The following SORCS1 variants were observed in gnomAD, a reference collection of about 807,000 sequenced individuals.
SORCS1 encodes the protein VPS10 domain-containing receptor SorCS1.
Under a neutral mutation model 146.1 loss-of-function variants are expected in SORCS1, and 60 were observed. The ratio of observed to expected loss-of-function variants is 0.41; its 90% CI spans 0.33 to 0.51. SORCS1 has a LOEUF of 0.51. Ranked by LOEUF, SORCS1 falls within the 20% of genes least tolerant of loss-of-function variation. SORCS1 has a pLI of 0.21. For synonymous variants in SORCS1, 637 were observed against 584.0 expected (o/e 1.09, Z -1.31); for missense variants, 1,352 against 1,487.6 (o/e 0.91, Z 1.50).
chr10:106,713,728 G>A (rs909486504), intron 6 of SORCS1, among the ~76,000 whole-genome samples: 8 of 152,084 alleles, frequency 5.3e-5, no homozygotes, highest in East Asian at 1.9e-4. Context: ...TGGTTGCAAC[G>A]TGGTTAGACT....
At chr10:106,783,356 T>C (rs1861041235) in intron 3 of SORCS1, among the ~76,000 whole-genome samples, 1 of 152,222 alleles carries the variant, frequency 6.6e-6, no homozygotes, top group Admixed American at 6.5e-5. Flanking sequence ...GTTATCTATG[T>C]CATGCCCTGC....
intron 17 of SORCS1, among the ~76,000 whole-genome samples, chr10:106,661,178 C>T (rs918231263): frequency 1.3e-5 from 2 of 152,108 alleles, no homozygotes; most frequent in African/African-American, 2.4e-5. Context: ...TTTATAGATA[C>T]CGAAAGAGAA....
At chr10:106,809,995 C>T (rs926319922) in intron 3 of SORCS1, among the ~76,000 whole-genome samples, 2 of 152,136 alleles carry the variant, frequency 1.3e-5, no homozygotes, top group African/African-American at 2.4e-5. Flanking sequence ...CAGAGGCGGG[C>T]GGATCACCTG....
chr10:106,739,424 G>A (rs1364377426), intron 5 of SORCS1, among the ~76,000 whole-genome samples: 1 of 151,432 alleles, frequency 6.6e-6, no homozygotes, highest in African/African-American at 2.4e-5. Context: ...GGCAGAGGCC[G>A]CAGTGAGCCA....
chr10:106,652,308 G>A, intron 18 of SORCS1, 74 bp downstream of exon 18: 1 of 1,412,494 alleles, frequency 7.1e-7, no homozygotes, highest in African/African-American at 1.4e-5. Flanking sequence ...AAAAAGATAT[G>A]GAAACAAAAC....
At chr10:106,671,459 C>CTCCA in intron 15 of SORCS1, 92 bp from the exon 16 acceptor site, 1 of 1,542,956 alleles carries the variant, frequency 6.5e-7, no homozygotes, top group Non-Finnish European at 8.8e-7. Flanking sequence ...ATTTGCACAT[C>CTCCA]TTAGTGTAAT....
intron 1 of SORCS1, among the ~76,000 whole-genome samples, chr10:107,161,528 A>G (rs557110719): frequency 6.6e-6 from 1 of 152,300 alleles, no homozygotes; most frequent in African/African-American, 2.4e-5. Context: ...TCTTATGTAT[A>G]GCCTGGCTCC....
chr10:106,973,519 T>C (rs1241912512), intron 1 of SORCS1, among the ~76,000 whole-genome samples: 4 of 152,100 alleles, frequency 2.6e-5, no homozygotes, highest in Non-Finnish European at 5.9e-5. Context: ...GTTCACAACA[T>C]GGAATAAGAC....
chr10:106,943,426 G>T (rs1490208300), intron 2 of SORCS1, among the ~76,000 whole-genome samples: 1 of 151,972 alleles, frequency 6.6e-6, no homozygotes. Flanking sequence ...CAGTCCTTCT[G>T]CCTGGACTCC....
intron 2 of SORCS1, among the ~76,000 whole-genome samples, chr10:106,862,490 A>T (rs1466466354): frequency 1.3e-5 from 2 of 152,110 alleles, no homozygotes; most frequent in East Asian, 3.9e-4. Context: ...ATCTCTCTTC[A>T]ATGTTTTTTT....
At chr10:106,891,501 A>ATTTTTTTTTTTTTTTTTTTTTTTTTTTT (rs562213104) in intron 2 of SORCS1, among the ~76,000 whole-genome samples, 1 of 74,058 alleles carries the variant, frequency 1.4e-5, no homozygotes, top group African/African-American at 6.0e-5. Context: ...TTCAATGGGA[A>ATTTTTTTTTTTTTTTTTTTTTTTTTTTT]TTCTTTTTTT....
chr10:106,602,512 AACACACACACAC>A lies in SORCS1; in HGVS notation c.3165+4642_3165+4653del, dbSNP rs66699179. ...CAGTAGCTCAATTTCATTCCTTCAT[AACACACACACAC>A]ACACACACACACACACACACACACA... On this transcript the variant is annotated intron_variant, in intron 23 of 25. Coordinates refer to ENST00000263054, the MANE Select transcript of SORCS1 (RefSeq NM_052918.5). Among the ~76,000 whole-genome samples the A allele has an allele frequency of 3.9e-3, 543 of 138,850 alleles. 2 individuals carry two copies. The highest frequency in any genetic ancestry group is 6.4e-3 in the Non-Finnish European group (406 of 63,802). 91.1% of individuals were successfully genotyped at this position (138,850 alleles called of 152,430 possible).
chr10:107,137,862 CAAA>C (rs57279379), intron 1 of SORCS1, among the ~76,000 whole-genome samples: 11 of 95,512 alleles, frequency 1.2e-4, no homozygotes, highest in African/African-American at 1.4e-4. Flanking sequence ...AACTCCGTCT[CAAA>C]AAAAAAAAAA....
intron 1 of SORCS1, among the ~76,000 whole-genome samples, chr10:107,084,085 GT>G (rs1189640922): frequency 2.4e-5 from 3 of 124,328 alleles, no homozygotes; most frequent in Non-Finnish European, 3.4e-5. Context: ...TATTTTTGTT[GT>G]TTTTTGTTTT....
intron 22 of SORCS1, among the ~76,000 whole-genome samples, chr10:106,609,529 C>T (rs1038255729): frequency 1.3e-4 from 20 of 152,172 alleles, no homozygotes; most frequent in Admixed American, 1.3e-3. Flanking sequence ...TGGCCAAGTG[C>T]AATTACTGAT....
At chr10:107,035,943 AAT>A (rs1449941504) in intron 1 of SORCS1, among the ~76,000 whole-genome samples, 1 of 149,034 alleles carries the variant, frequency 6.7e-6, no homozygotes, top group African/African-American at 2.4e-5. Context: ...ACATATATAT[AAT>A]ATATATAGTT....
At chr10:106,786,407 C>T (rs568539599) in intron 3 of SORCS1, among the ~76,000 whole-genome samples, 1 of 152,124 alleles carries the variant, frequency 6.6e-6, no homozygotes, top group African/African-American at 2.4e-5. Flanking sequence ...CTCCAGGACC[C>T]CCCATGTGGC....
chr10:106,713,025 A>G (rs748808886), intron 6 of SORCS1, among the ~76,000 whole-genome samples: 8 of 152,128 alleles, frequency 5.3e-5, no homozygotes, highest in Non-Finnish European at 1.0e-4. Context: ...GTGAGGAGAG[A>G]GCTTTTAAGG....
intron 1 of SORCS1, among the ~76,000 whole-genome samples, chr10:107,093,254 C>T (rs1014011783): frequency 6.6e-6 from 1 of 152,178 alleles, no homozygotes; most frequent in South Asian, 2.1e-4. Flanking sequence ...GACAGTGCTG[C>T]ATCCCTGGTC....
Sources: gnomAD v4.1 joint callset for allele counts (sites outside exome capture counted in the v4.1 genomes callset) on GRCh38, gnomAD v4.1.1 for gene constraint, MANE v1.5 for transcripts, NCBI Gene and HGNC (gene_info 2026-07-23, HGNC 2026-07-21) for gene names.